The following CHIC2 variants were observed in gnomAD, a reference collection of about 807,000 sequenced individuals.
CHIC2 encodes the protein cysteine-rich hydrophobic domain-containing protein 2.
In CHIC2, 14 loss-of-function variants were observed where a neutral mutation model predicts 25.9. The observed-to-expected ratio is 0.54, with a 90% CI of 0.36 to 0.85. CHIC2 has a LOEUF of 0.85. Among genes scored for constraint, CHIC2 ranks in the 40% least tolerant of loss-of-function variants. The pLI is 0.01. For missense variants in CHIC2, 146 were observed against 202.0 expected (o/e 0.72, Z 1.68); for synonymous variants, 70 against 72.0 (o/e 0.97, Z 0.14).
intron 3 of CHIC2, among the ~76,000 whole-genome samples, chr4:54,035,662 CT>C (rs1716362218): frequency 6.6e-6 from 1 of 152,138 alleles, no homozygotes; most frequent in East Asian, 1.9e-4. Flanking sequence ...TATTGATCTT[CT>C]CAAAGGTTTG....
rs377692827 is a variant in CHIC2 at position 54,049,115 on chromosome 4, A to G, written c.175-5T>C. Reference sequence around the variant, plus strand: ...TTTAAATTCTTCAGGAGCTACCTAAAGAAAAATTTTAAGAAATAATAACAA... The same window carrying G: ...TTTAAATTCTTCAGGAGCTACCTAAGGAAAAATTTTAAGAAATAATAACAA... On this transcript the variant is annotated splice_polypyrimidine_tract_variant and splice_region_variant and intron_variant, in intron 2 of 5. Transcript: ENST00000263921. 659 of 1,595,858 alleles carry G rather than the reference A, an allele frequency of 4.1e-4. No homozygotes were observed. The highest frequency in any genetic ancestry group is 5.2e-4 in the Non-Finnish European group (614 of 1,172,814).
chr4:54,030,377 G>T (rs1271735461), intron 3 of CHIC2, among the ~76,000 whole-genome samples: 1 of 151,464 alleles, frequency 6.6e-6, no homozygotes. Flanking sequence ...TTTTAAATTG[G>T]CCAGGCATGG....
intron 1 of CHIC2, among the ~76,000 whole-genome samples, chr4:54,053,804 T>C (rs181313312): frequency 6.6e-6 from 1 of 152,266 alleles, no homozygotes; most frequent in East Asian, 1.9e-4. Context: ...TTATTTTATT[T>C]TTTTGAGACA....
intron 3 of CHIC2, among the ~76,000 whole-genome samples, chr4:54,023,304 C>T (rs1483199626): frequency 2.6e-5 from 4 of 152,174 alleles, no homozygotes; most frequent in Admixed American, 2.0e-4. Context: ...AGGCTGCCGC[C>T]GCTCTAATAC....
intron 3 of CHIC2, 78 bp downstream of exon 3, chr4:54,048,877 C>CA: frequency 8.1e-7 from 1 of 1,229,808 alleles, no homozygotes; most frequent in South Asian, 1.9e-5. Context: ...TCATTCAATA[C>CA]AAAAAATAAA....
At chr4:54,090,091 T>TA in the CHIC2 span, among the ~76,000 whole-genome samples, 82 of 152,246 alleles carry the variant, frequency 5.4e-4, no homozygotes, top group Non-Finnish European at 8.4e-4. Context: ...TCCAAAACCA[T>TA]AAAAAATCCA....
At chr4:54,018,721 C>G (rs1210046544) in intron 3 of CHIC2, among the ~76,000 whole-genome samples, 2 of 151,926 alleles carry the variant, frequency 1.3e-5, no homozygotes, top group Admixed American at 6.5e-5. Flanking sequence ...GTCTTTAGAA[C>G]AAAAATATGC....
At position 54,049,073 on chromosome 4, in the gene CHIC2, ACT is replaced by A; in HGVS notation, c.210_211del (p.Arg70SerfsTer2). The A allele has an allele frequency of 6.2e-7, 1 of 1,610,294 alleles. No homozygotes were observed. Among genetic ancestry groups the A allele is most frequent in the East Asian group, 2.2e-5 (1 of 44,810 alleles). ...AAGGTTCTTCTTAAGACAACTGTTA[ACT>A]CTGTTGATGCTGGCTTTAAATTCTT... On this transcript the variant is annotated frameshift_variant, in exon 3 of 6. Coordinates refer to ENST00000263921, the MANE Select transcript of CHIC2 (RefSeq NM_012110.4). LOFTEE classifies it high-confidence loss of function.
At chr4:54,010,168 T>C in intron 5 of CHIC2, 23 bp from the exon 6 acceptor site, 1 of 1,551,624 alleles carries the variant, frequency 6.4e-7, no homozygotes, top group Non-Finnish European at 8.8e-7. Flanking sequence ...AAGAAAAAGG[T>C]TTTAAAAGAT....
chr4:54,011,172 T>C lies in CHIC2; in HGVS notation c.448-1027A>G, dbSNP rs1380349573. Among the ~76,000 whole-genome samples the C allele has an allele frequency of 2.6e-5, 4 of 152,126 alleles. No homozygotes were observed. In the East Asian group the frequency reaches 7.7e-4, roughly 29 times the overall value. On this transcript the variant is annotated intron_variant, in intron 5 of 5. Transcript: ENST00000263921. Reference sequence around the variant, plus strand: ...GTCTTGCTTGATATGACCTCCAGATTTCAATACTTCTACAAATTAGCTGTC... The same window carrying C: ...GTCTTGCTTGATATGACCTCCAGATCTCAATACTTCTACAAATTAGCTGTC...
chr4:54,074,277 A>G, the CHIC2 span, among the ~76,000 whole-genome samples: 1 of 152,332 alleles, frequency 6.6e-6, no homozygotes, highest in South Asian at 2.1e-4. Context: ...GACACTTAAA[A>G]CATGGCTTTT....
chr4:54,023,175 CA>C (rs1431307251), intron 3 of CHIC2, among the ~76,000 whole-genome samples: 2 of 152,142 alleles, frequency 1.3e-5, no homozygotes, highest in African/African-American at 4.8e-5. Flanking sequence ...TACACACAGC[CA>C]AAGTACTGGG....
At chr4:54,037,776 T>C (rs1716439989) in intron 3 of CHIC2, among the ~76,000 whole-genome samples, 1 of 152,100 alleles carries the variant, frequency 6.6e-6, no homozygotes, top group Non-Finnish European at 1.5e-5. Flanking sequence ...AATCTCCAAA[T>C]ATTTGGAGGT....
At chr4:54,062,407 A>C (rs1717362831) in intron 1 of CHIC2, among the ~76,000 whole-genome samples, 2 of 152,108 alleles carry the variant, frequency 1.3e-5, no homozygotes, top group Non-Finnish European at 2.9e-5. Context: ...TTGGCCTTCA[A>C]CTGGCCTGGG....
At chr4:54,069,161 G>A (rs946638944), upstream of CHIC2, among the ~76,000 whole-genome samples, 1 of 152,096 alleles carries the variant, frequency 6.6e-6, no homozygotes, top group African/African-American at 2.4e-5. Flanking sequence ...CCGAGTAGCT[G>A]GGAATGCAGG....
At chr4:54,061,543 G>T (rs961010560) in intron 1 of CHIC2, among the ~76,000 whole-genome samples, 7 of 152,014 alleles carry the variant, frequency 4.6e-5, no homozygotes, top group African/African-American at 7.2e-5. Context: ...GGAGGAGGGG[G>T]TGTTAAATTT....
At chr4:54,075,139 T>C in the CHIC2 span, among the ~76,000 whole-genome samples, 17 of 152,122 alleles carry the variant, frequency 1.1e-4, no homozygotes, top group Non-Finnish European at 5.9e-5. Flanking sequence ...ATAAAATAAA[T>C]TCTCTCAAGT....
At chr4:54,046,607 T>G (rs1716827555) in intron 3 of CHIC2, among the ~76,000 whole-genome samples, 2 of 152,334 alleles carry the variant, frequency 1.3e-5, no homozygotes, top group South Asian at 4.1e-4. Context: ...TGTACAAAGC[T>G]GAAACTGGAT....
chr4:54,037,279 G>A (rs1397170690), intron 3 of CHIC2, among the ~76,000 whole-genome samples: 1 of 152,072 alleles, frequency 6.6e-6, no homozygotes, highest in Non-Finnish European at 1.5e-5. Context: ...AGCCTGGGAA[G>A]TCTGGGAAGG....
Sources: gnomAD v4.1 joint callset for allele counts (sites outside exome capture counted in the v4.1 genomes callset) on GRCh38, gnomAD v4.1.1 for gene constraint, MANE v1.5 for transcripts, NCBI Gene and HGNC (gene_info 2026-07-23, HGNC 2026-07-21) for gene names.